OTUD7A: variants seen among roughly 807,000 people sequenced by gnomAD.
OTUD7A encodes OTU deubiquitinase 7A.
Under a neutral mutation model 65.7 loss-of-function variants are expected in OTUD7A, and 12 were observed. That is an observed-to-expected ratio of 0.18 (90% confidence interval 0.12 to 0.30). The LOEUF is 0.30. OTUD7A is among the 10% of genes least tolerant of loss of function. The pLI is 1.00. For synonymous variants in OTUD7A, 641 were observed against 586.3 expected (o/e 1.09, Z -1.35); for missense variants, 1,148 against 1,304.8 (o/e 0.88, Z 1.85).
intron 1 of OTUD7A, among the ~76,000 whole-genome samples, chr15:31,866,360 T>C (rs766073589): frequency 6.6e-6 from 1 of 152,178 alleles, no homozygotes; most frequent in Non-Finnish European, 1.5e-5. Context: ...AAATGCTGTG[T>C]GCAAACCAGC....
chr15:31,833,545 A>G (rs1896985760), intron 1 of OTUD7A, among the ~76,000 whole-genome samples: 1 of 152,334 alleles, frequency 6.6e-6, no homozygotes, highest in African/African-American at 2.4e-5. Context: ...TTTGCTTCCT[A>G]TTGCATCAAA....
At chr15:31,508,150 G>A (rs1324570004) in intron 8 of OTUD7A, among the ~76,000 whole-genome samples, 5 of 152,062 alleles carry the variant, frequency 3.3e-5, no homozygotes, top group Admixed American at 6.6e-5. Context: ...AAGTAATAGA[G>A]AAAGTATATG....
intron 3 of OTUD7A, among the ~76,000 whole-genome samples, chr15:31,607,583 C>T (rs779047869): frequency 5.9e-5 from 9 of 152,114 alleles, no homozygotes; most frequent in Non-Finnish European, 7.4e-5. Flanking sequence ...TACCAGTGGT[C>T]CCTTAAGATT....
Position 31,484,125 on chromosome 15 carries a change from G to C in OTUD7A, c.1971C>G (p.His657Gln). Residue 657 changes from histidine (H) to glutamine (Q), a missense_variant, in exon 13 of 13, where the codon CAC becomes CAG. Around this residue, in one of 6 missense-constraint regions of OTUD7A, gnomAD observed 842 missense variants for 769.5 expected, o/e 1.09. Transcript: ENST00000307050. The surrounding 1 kb of genome is among the most constrained non-coding windows in gnomAD (Gnocchi z 4.5). The part of the protein sequence containing the change: ...LLLTSHRHQF[H>Q]EEMIGYYLTS... ...TCAGGTAGTAGCCGATCATCTCCTC[G>C]TGGAACTGGTGCCGGTGGCTGGTGA... 1 of 1,608,458 alleles carries C rather than the reference G, an allele frequency of 6.2e-7. No individual in the cohort carries two copies. Among genetic ancestry groups the C allele is most frequent in the Non-Finnish European group, 8.5e-7 (1 of 1,179,508 alleles).
Position 31,840,849 on chromosome 15 carries a change from A to G in OTUD7A, c.-100+29658T>C, listed in dbSNP as rs1268332343. The stretch of plus-strand genomic sequence containing the variant: ...CTACCACGGAAAAGGAATAGAATCT[A>G]CTATCTATCACTATCCATCTACTAC... On this transcript the variant is annotated intron_variant, in intron 1 of 12. Transcript: ENST00000307050. Among the ~76,000 whole-genome samples, 4 of 152,218 alleles carry G rather than the reference A, an allele frequency of 2.6e-5. No homozygotes were observed. The East Asian group carries it at 7.7e-4, about 29-fold the overall frequency.
chr15:31,610,558 C>T (rs1890371386), intron 3 of OTUD7A, among the ~76,000 whole-genome samples: 1 of 131,298 alleles, frequency 7.6e-6, no homozygotes, highest in African/African-American at 2.9e-5. Flanking sequence ...TGATAGGCCA[C>T]AAAACAAGCC....
intron 1 of OTUD7A, chr15:31,765,983 T>C: frequency 6.7e-7 from 1 of 1,502,562 alleles, no homozygotes; most frequent in East Asian, 2.3e-5. Context: ...TAGAAATTTT[T>C]TGCTCATCAA....
intron 3 of OTUD7A, among the ~76,000 whole-genome samples, chr15:31,592,904 A>AT (rs1555399728): frequency 3.4e-5 from 2 of 59,382 alleles, no homozygotes; most frequent in African/African-American, 8.0e-5. Context: ...AAAAAAAAAA[A>AT]ATATATATAT....
chr15:31,617,532 A>T (rs1156742377), intron 3 of OTUD7A, among the ~76,000 whole-genome samples: 1 of 152,134 alleles, frequency 6.6e-6, no homozygotes, highest in Admixed American at 6.6e-5. Context: ...AGACTTATAT[A>T]CATTTATATC....
At chr15:31,567,776 C>T (rs551841377) in intron 4 of OTUD7A, among the ~76,000 whole-genome samples, 1 of 152,376 alleles carries the variant, frequency 6.6e-6, no homozygotes, top group East Asian at 1.9e-4. Flanking sequence ...CTGCTCCCCA[C>T]ATCCTGGCTG....
Position 31,526,467 on chromosome 15 carries a change from A to G in OTUD7A, c.781-6T>C. The G allele has an allele frequency of 6.3e-7, 1 of 1,578,632 alleles. No individual in the cohort carries two copies. Among genetic ancestry groups the G allele is most frequent in the Non-Finnish European group, 8.6e-7 (1 of 1,167,494 alleles). On this transcript the variant is annotated splice_region_variant and splice_polypyrimidine_tract_variant and intron_variant, in intron 7 of 12. Transcript: ENST00000307050. ...TCTGTGTACACCAGCCCTGACTGGC[A>G]GAGGGGAGCCGGCTCAGAAGGGGGG...
intron 8 of OTUD7A, among the ~76,000 whole-genome samples, chr15:31,521,813 C>T (rs919874026): frequency 2.0e-5 from 3 of 152,074 alleles, no homozygotes; most frequent in Non-Finnish European, 4.4e-5. Context: ...CAGAAGATGC[C>T]CCCGGGGGCT....
At chr15:31,784,312 A>T (rs1555417032) in intron 1 of OTUD7A, among the ~76,000 whole-genome samples, 2 of 152,214 alleles carry the variant, frequency 1.3e-5, no homozygotes, top group Non-Finnish European at 2.9e-5. Context: ...TTCCAACTAC[A>T]TAGCAGTATG....
At chr15:31,678,598 G>A (rs1892643788) in intron 1 of OTUD7A, among the ~76,000 whole-genome samples, 3 of 152,346 alleles carry the variant, frequency 2.0e-5, no homozygotes, top group South Asian at 2.1e-4. Context: ...TTGCTTCAGA[G>A]GGTGCAAGCC....
intron 3 of OTUD7A, among the ~76,000 whole-genome samples, chr15:31,576,614 C>T (rs530498663): frequency 6.6e-6 from 1 of 152,270 alleles, no homozygotes; most frequent in East Asian, 1.9e-4. Context: ...TGTGCCCTGA[C>T]CACCTTGGGT....
chr15:31,860,455 G>A (rs2141014986), intron 1 of OTUD7A, among the ~76,000 whole-genome samples: 1 of 151,346 alleles, frequency 6.6e-6, no homozygotes, highest in East Asian at 1.9e-4. Context: ...AAACATGAAT[G>A]GAGAGACTGT....
At chr15:31,850,618 G>A (rs1345644134) in intron 1 of OTUD7A, among the ~76,000 whole-genome samples, 2 of 152,078 alleles carry the variant, frequency 1.3e-5, no homozygotes, top group Admixed American at 1.3e-4. Flanking sequence ...CTGGTTTGTG[G>A]CTGGCCCCAT....
chr15:31,762,060 T>C lies in OTUD7A; in HGVS notation c.-99-104983A>G, dbSNP rs540099417. Reference sequence around the variant, plus strand: ...TTGGGGTAATGAAGTGTTCCAAAATTAAATTGTGCGAATAGTTTCATATAT... The same window carrying C: ...TTGGGGTAATGAAGTGTTCCAAAATCAAATTGTGCGAATAGTTTCATATAT... On this transcript the variant is annotated intron_variant, in intron 1 of 12. Transcript: ENST00000307050. Among the ~76,000 whole-genome samples the C allele has an allele frequency of 2.6e-5, 4 of 152,320 alleles. No individual in the cohort carries two copies. The South Asian group carries it at 6.2e-4, about 24-fold the overall frequency.
At position 31,484,007 on chromosome 15, in the gene OTUD7A, TGGCGGCGGC is replaced by T. The variant is rs199744400; in HGVS notation, c.2080_2088del (p.Ala694_Ala696del). The stretch of plus-strand genomic sequence containing the variant: ...GGTCTGCGCGGCGGCCGCTTGGCCG[TGGCGGCGGC>T]GGCGGCGGCGGCAGCGGCGGCCGCA... On this transcript the variant is annotated inframe_deletion, in exon 13 of 13. Coordinates refer to ENST00000307050, the MANE Select transcript of OTUD7A (RefSeq NM_001382637.1). The surrounding 1 kb of genome is among the most constrained non-coding windows in gnomAD (Gnocchi z 4.5). 21 of 1,171,388 alleles carry T rather than the reference TGGCGGCGGC, an allele frequency of 1.8e-5. No homozygotes were observed. Among genetic ancestry groups the T allele is most frequent in the Admixed American group, 9.4e-5 (2 of 21,240 alleles). The allele number at this position is 1,171,388 out of a possible 1,614,324, so 72.6% of individuals were successfully genotyped here. A position where few individuals can be genotyped will look rare whatever the true frequency, so the allele number is the denominator to read the frequency against.
Sources: allele counts gnomAD v4.1 joint callset (sites outside exome capture counted in the v4.1 genomes callset), GRCh38; gene constraint gnomAD v4.1.1; regional missense constraint gnomAD v4.1.1; non-coding constraint Gnocchi (gnomAD v3.1); transcripts MANE v1.5; gene names NCBI Gene and HGNC (gene_info 2026-07-23, HGNC 2026-07-21).